The following NIPBL variants were observed in gnomAD, a reference collection of about 807,000 sequenced individuals.
NIPBL encodes the protein nipped-B-like protein.
Under a neutral mutation model 321.8 loss-of-function variants are expected in NIPBL, and 19 were observed. That is an observed-to-expected ratio of 0.06 (90% CI 0.04 to 0.09). The LOEUF (loss-of-function observed/expected upper bound fraction) is 0.09, where lower values mean the gene tolerates loss of function less well. Among genes scored for constraint, NIPBL ranks in the 10% least tolerant of loss-of-function variants. The probability of loss-of-function intolerance (pLI) is 1.00; values close to 1 mark genes in which losing one functional copy is unlikely to be tolerated. For missense variants in NIPBL, 2,210 were observed against 3,327.0 expected, an observed-to-expected ratio of 0.66 and a Z score of 8.26; for synonymous variants, 1,106 against 1,114.1, an observed-to-expected ratio of 0.99 and a Z score of 0.14.
chr5:36,935,925 A>G (rs1047719452), intron 1 of NIPBL, among the ~76,000 whole-genome samples: 1 of 152,068 alleles, frequency 6.6e-6, no homozygotes, highest in Non-Finnish European at 1.5e-5. Context: ...TCTATCTTAT[A>G]TAAGGATGTG....
rs1024674185 is a variant in NIPBL, at chr5:36,876,811, C to T, written c.-447C>T. 2.5e-6 allele frequency: 1 copy of T among 397,088 alleles called. No homozygotes were observed. Among genetic ancestry groups the T allele is most frequent in the South Asian group, 1.3e-4 (1 of 7,824 alleles). 24.6% of individuals were successfully genotyped at this position (397,088 alleles called of 1,614,324 possible). A position where few individuals can be genotyped will look rare whatever the true frequency, so the allele number is the denominator to read the frequency against. On this transcript the variant is annotated 5_prime_UTR_variant, in exon 1 of 47. Transcript: ENST00000282516. The stretch of plus-strand genomic sequence containing the variant: ...AGAGACGGAACGAGAGAGAGACACA[C>T]ACAGGGCTCCTTCCCCCCGCCCTCC...
chr5:37,060,240 T>C (rs1436850167), intron 44 of NIPBL, among the ~76,000 whole-genome samples: 1 of 152,162 alleles, frequency 6.6e-6, no homozygotes, highest in East Asian at 1.9e-4. Context: ...AGTTATGCAA[T>C]CATAAACTCC....
intron 8 of NIPBL, among the ~76,000 whole-genome samples, chr5:36,974,683 A>T (rs1332986246): frequency 1.3e-5 from 2 of 150,310 alleles, no homozygotes; most frequent in African/African-American, 5.0e-5. Context: ...ATCACACTAG[A>T]GTCAATAAAT....
chr5:37,048,427 T>G lies in NIPBL; in HGVS notation c.6590-75T>G, dbSNP rs1455434575. ...TGAAATAAGGAGCCGTTTATATAATTTATTAACATATTTATTAAATGTTTT... is the reference window on the plus strand; with the variant it reads ...TGAAATAAGGAGCCGTTTATATAATGTATTAACATATTTATTAAATGTTTT... On this transcript the variant is annotated intron_variant, in intron 38 of 46. Coordinates refer to ENST00000282516, the MANE Select transcript of NIPBL (RefSeq NM_133433.4). 5 of 925,792 alleles carry G rather than the reference T, an allele frequency of 5.4e-6. No homozygotes were observed. The African/African-American group carries it at 7.1e-5, about 13-fold the overall frequency. 57.3% of individuals were successfully genotyped at this position (925,792 alleles called of 1,614,324 possible).
intron 9 of NIPBL, among the ~76,000 whole-genome samples, chr5:36,983,332 T>G (rs1173023481): frequency 2.0e-5 from 3 of 151,918 alleles, no homozygotes; most frequent in Non-Finnish European, 4.4e-5. Flanking sequence ...ATATCTTAAG[T>G]AAATTGCGGT....
chr5:37,009,511 A>T (rs1158915903), intron 20 of NIPBL, among the ~76,000 whole-genome samples: 1 of 152,134 alleles, frequency 6.6e-6, no homozygotes, highest in Non-Finnish European at 1.5e-5. Flanking sequence ...CATTTTTTGG[A>T]CTAATTGTAT....
chr5:37,021,965 T>G, intron 27 of NIPBL, 86 bp from the exon 28 acceptor site: 1 of 959,038 alleles, frequency 1.0e-6, no homozygotes, highest in Non-Finnish European at 1.6e-6. Flanking sequence ...ATAATAGATT[T>G]GTTTTCTTTT....
At chr5:36,931,449 C>CTT (rs1749769585) in intron 1 of NIPBL, among the ~76,000 whole-genome samples, 1 of 152,028 alleles carries the variant, frequency 6.6e-6, no homozygotes, top group African/African-American at 2.4e-5. Context: ...TCCTGAGAAA[C>CTT]TAAGACCACA....
In NIPBL at chr5:36,985,011, A is replaced by C; in HGVS notation, c.1831A>C (p.Ser611Arg). The change falls in exon 10 of 47, where the codon AGT becomes CGT. Residue 611 changes from serine (S) to arginine (R), a missense_variant. Physicochemically the swap from Ser to Arg is moderately radical, Grantham distance 110. Transcript: ENST00000282516. ...KKKSDPELSK[S>R]EMKQSESRLA... ...AAAGTCTGATCCTGAGCTTTCAAAG[A>C]GTGAAATGAAACAAAGTGAAAGTAG... is the stretch of plus-strand genomic sequence containing the variant. 1 of 1,613,830 alleles carries C rather than the reference A, an allele frequency of 6.2e-7. No individual in the cohort carries two copies. The highest frequency in any genetic ancestry group is 2.2e-5 in the East Asian group (1 of 44,890).
rs781405794 is a variant in NIPBL at position 36,976,185 on chromosome 5, A to T, written c.1278A>T (p.Thr426=). ...AATGTTTGTCGCAGCAAGAACAAAC[A>T]GCATTCCTTCCAGCAAATCAAGTGC... ...AAQCLSQQEQ[T]AFLPANQVPV... Residue 426 remains threonine, a synonymous_variant, in exon 9 of 47, where the codon ACA becomes ACT. Coordinates refer to ENST00000282516, the MANE Select transcript of NIPBL (RefSeq NM_133433.4). 9 of 1,612,936 alleles carry T rather than the reference A, an allele frequency of 5.6e-6. No homozygotes were observed. Among genetic ancestry groups the T allele is most frequent in the Non-Finnish European group, 7.6e-6 (9 of 1,179,332 alleles).
At chr5:36,997,452 C>T (rs1374081322) in intron 11 of NIPBL, among the ~76,000 whole-genome samples, 1 of 152,086 alleles carries the variant, frequency 6.6e-6, no homozygotes, top group African/African-American at 2.4e-5. Context: ...TGTTTGTCAC[C>T]AATGCAGCCA....
In NIPBL at chr5:36,986,260, C is replaced by T. The variant is rs949537429; in HGVS notation, c.3080C>T (p.Ser1027Phe). 5.8e-6 allele frequency: 9 copies of T among 1,543,546 alleles called. 1 individual carries two copies. The Middle Eastern group carries it at 1.2e-3, about 210-fold the overall frequency. Residue 1027 changes from serine (S) to phenylalanine (F), a missense_variant, in exon 10 of 47, where the codon TCC becomes TTC. Around this residue, in one of 14 missense-constraint regions of NIPBL, gnomAD observed 381 missense variants for 642.3 expected, o/e 0.59. Transcript: ENST00000282516. ...GATAGAGAGGACAAATCAAGAAGTT[C>T]CCTTAAACCTATCAAGAATAAACCA... ...IKDREDKSRS[S>F]LKPIKNKPSK...
rs544229612 is a variant in NIPBL at position 36,886,508 on chromosome 5, G to A, written c.-80+9330G>A. 4.0e-5 allele frequency: 30 copies of A among 746,874 alleles called. 1 individual carries two copies. The Admixed American group carries it at 4.4e-4, about 11-fold the overall frequency. The allele number at this position is 746,874 out of a possible 1,614,324, so 46.3% of individuals were successfully genotyped here. ...GTTCTGAGACATTAAGTCAGCAGAA[G>A]CAGGGTACCCTTTGGGGAGCAGGAG... is the stretch of plus-strand genomic sequence containing the variant. On this transcript the variant is annotated intron_variant, in intron 1 of 46. Transcript: ENST00000282516.
At chr5:37,017,640 T>A (rs1749143913) in intron 24 of NIPBL, among the ~76,000 whole-genome samples, 1 of 151,542 alleles carries the variant, frequency 6.6e-6, no homozygotes, top group Admixed American at 6.6e-5. Flanking sequence ...GAAGTGGTAG[T>A]AATAAAGTTA....
intron 1 of NIPBL, among the ~76,000 whole-genome samples, chr5:36,932,776 CTG>C (rs869285848): frequency 2.9e-5 from 3 of 102,536 alleles, no homozygotes; most frequent in African/African-American, 4.3e-5. Flanking sequence ...AATTCCTCTG[CTG>C]TTTTTTTTTT....
At chr5:37,052,647 C>A in intron 42 of NIPBL, 81 bp downstream of exon 42, 2 of 1,032,914 alleles carry the variant, frequency 1.9e-6, no homozygotes, top group Non-Finnish European at 3.0e-6. Flanking sequence ...TTAAATATTA[C>A]CATTTTATTA....
chr5:36,909,103 G>A (rs1747855523), intron 1 of NIPBL, among the ~76,000 whole-genome samples: 1 of 152,090 alleles, frequency 6.6e-6, no homozygotes, highest in Non-Finnish European at 1.5e-5. Flanking sequence ...TTTTGGACAA[G>A]ACACTTCTTG....
intron 9 of NIPBL, among the ~76,000 whole-genome samples, chr5:36,982,863 G>A (rs180988496): frequency 2.9e-4 from 44 of 151,962 alleles, no homozygotes; most frequent in Non-Finnish European, 4.9e-4. Flanking sequence ...ATGTCGTTGT[G>A]TATCTTAAGT....
rs1017109122 is a variant in NIPBL, at chr5:36,927,211, T to C, written c.-79-26407T>C. Reference sequence around the variant, plus strand: ...CTCCATTTCATTTAATGTTATATTCTCACCAATTTATATAACACTTACATA... The same window carrying C: ...CTCCATTTCATTTAATGTTATATTCCCACCAATTTATATAACACTTACATA... On this transcript the variant is annotated intron_variant, in intron 1 of 46. Transcript: ENST00000282516. Among the ~76,000 whole-genome samples the C allele has an allele frequency of 3.9e-5, 6 of 152,190 alleles. No homozygotes were observed. In the South Asian group the frequency reaches 1.2e-3, roughly 31 times the overall value.
Sources: allele counts gnomAD v4.1 joint callset (sites outside exome capture counted in the v4.1 genomes callset), GRCh38; gene constraint gnomAD v4.1.1; regional missense constraint gnomAD v4.1.1; transcripts MANE v1.5; gene names NCBI Gene and HGNC (gene_info 2026-07-23, HGNC 2026-07-21).